Variants in CERS6 observed in about 807,000 individuals in gnomAD.
CERS6 encodes the protein ceramide synthase 6.
Under a neutral mutation model 56.8 loss-of-function variants are expected in CERS6, and 26 were observed. The observed-to-expected ratio is 0.46, with a 90% CI of 0.34 to 0.63. The LOEUF (loss-of-function observed/expected upper bound fraction) is 0.63. CERS6 is among the 30% of genes least tolerant of loss of function. CERS6 has a pLI of 0.01. For missense variants in CERS6, 415 were observed against 467.5 expected (o/e 0.89, Z 1.04); for synonymous variants, 164 against 173.3 (o/e 0.95, Z 0.42).
At chr2:168,603,754 A>G (rs773896151) in intron 3 of CERS6, among the ~76,000 whole-genome samples, 1 of 152,212 alleles carries the variant, frequency 6.6e-6, no homozygotes, top group Non-Finnish European at 1.5e-5. Flanking sequence ...CTATGCTACA[A>G]TTGTTGGCCT....
rs1553506539 is a variant in CERS6, at chr2:168,670,979, C to CCCG, written c.466-20054_466-20053insCGC. 1.2e-3 allele frequency among the ~76,000 whole-genome samples: 99 copies of CCCG among 83,218 alleles called. 7 individuals carry two copies. The highest frequency in any genetic ancestry group is 3.1e-3 in the African/African-American group (94 of 30,152). The allele number at this position is 83,218 out of a possible 152,430, so 54.6% of individuals were successfully genotyped here. ...TGGATACATGCTTCCCCCCCCCCCC[C>CCCG]CAGACGGAAGCTTGCTCTGTTGCCA... On this transcript the variant is annotated intron_variant, in intron 4 of 9. Coordinates refer to ENST00000305747, the MANE Select transcript of CERS6 (RefSeq NM_203463.3).
chr2:168,764,913 G>A (rs1434809137), intron 8 of CERS6, among the ~76,000 whole-genome samples: 1 of 152,200 alleles, frequency 6.6e-6, no homozygotes, highest in South Asian at 2.1e-4. Flanking sequence ...AGCGATATTT[G>A]TGGACCCGTG....
intron 9 of CERS6, among the ~76,000 whole-genome samples, chr2:168,768,465 T>G (rs1323088458): frequency 6.7e-6 from 1 of 150,124 alleles, no homozygotes; most frequent in Non-Finnish European, 1.5e-5. Flanking sequence ...ACTCCTGACC[T>G]CAGGTGATCC....
chr2:168,679,957 A>G lies in CERS6; in HGVS notation c.466-11077A>G, dbSNP rs373792684. 5.9e-5 allele frequency among the ~76,000 whole-genome samples: 9 copies of G among 152,244 alleles called. No individual in the cohort carries two copies. In the East Asian group the frequency reaches 1.5e-3, roughly 26 times the overall value. ...CGTTGATGACTGATTAGGAAAATCA[A>G]TACCAAAGAGCATGAAACCGCAGGG... is the stretch of plus-strand genomic sequence containing the variant. On this transcript the variant is annotated intron_variant, in intron 4 of 9. Transcript: ENST00000305747.
At chr2:168,621,165 C>A (rs145452875) in intron 3 of CERS6, among the ~76,000 whole-genome samples, 1 of 152,128 alleles carries the variant, frequency 6.6e-6, no homozygotes, top group Non-Finnish European at 1.5e-5. Context: ...AAAAAAATTG[C>A]ATAGAGCCTT....
chr2:168,700,971 A>G (rs760227580), intron 6 of CERS6, among the ~76,000 whole-genome samples: 16 of 152,222 alleles, frequency 1.1e-4, no homozygotes, highest in Admixed American at 9.8e-4. Context: ...GGGTGGGGCC[A>G]TATGACTAGT....
chr2:168,727,821 A>G (rs1186611951), intron 8 of CERS6, among the ~76,000 whole-genome samples: 1 of 152,198 alleles, frequency 6.6e-6, no homozygotes, highest in African/African-American at 2.4e-5. Flanking sequence ...GTGCTGGTCT[A>G]TGTTAAATAT....
At chr2:168,527,547 G>A (rs1034233700) in intron 1 of CERS6, among the ~76,000 whole-genome samples, 1 of 152,148 alleles carries the variant, frequency 6.6e-6, no homozygotes, top group Non-Finnish European at 1.5e-5. Context: ...AGTTCTAGAG[G>A]CTGGGAAGTT....
chr2:168,535,596 T>C (rs931140677), intron 1 of CERS6, among the ~76,000 whole-genome samples: 2 of 151,944 alleles, frequency 1.3e-5, no homozygotes, highest in Non-Finnish European at 2.9e-5. Flanking sequence ...TATGGTTCTT[T>C]TTGATTGGAG....
intron 1 of CERS6, among the ~76,000 whole-genome samples, chr2:168,473,942 C>T: frequency 6.6e-6 from 1 of 152,150 alleles, no homozygotes; most frequent in Non-Finnish European, 1.5e-5. Context: ...CCTGTAGTCC[C>T]AGCTACTCAA....
At chr2:168,488,610 C>T (rs751059081) in intron 1 of CERS6, among the ~76,000 whole-genome samples, 2 of 151,714 alleles carry the variant, frequency 1.3e-5, no homozygotes, top group Non-Finnish European at 2.9e-5. Flanking sequence ...CCGTGTATTC[C>T]CTCAGTTATT....
intron 3 of CERS6, among the ~76,000 whole-genome samples, chr2:168,627,913 A>G (rs1684626700): frequency 6.6e-6 from 1 of 151,768 alleles, no homozygotes; most frequent in South Asian, 2.1e-4. Context: ...ACTTAATTTT[A>G]TACTGTATGT....
intron 6 of CERS6, among the ~76,000 whole-genome samples, chr2:168,709,589 C>T (rs1184116490): frequency 6.6e-6 from 1 of 152,080 alleles, no homozygotes; most frequent in East Asian, 1.9e-4. Flanking sequence ...CACGTGTCCA[C>T]GCCAGTCTGT....
chr2:168,669,716 G>A (rs1039147946), intron 4 of CERS6, among the ~76,000 whole-genome samples: 1 of 152,104 alleles, frequency 6.6e-6, no homozygotes, highest in African/African-American at 2.4e-5. Context: ...TGAATTTATA[G>A]CATTTGATCA....
chr2:168,688,112 C>G (rs1033533468), intron 4 of CERS6, among the ~76,000 whole-genome samples: 2 of 152,146 alleles, frequency 1.3e-5, no homozygotes, highest in Admixed American at 6.5e-5. Context: ...GCCATGCAAC[C>G]TCCTAGGTAC....
chr2:168,627,450 C>T (rs1684615312), intron 3 of CERS6, among the ~76,000 whole-genome samples: 2 of 152,108 alleles, frequency 1.3e-5, no homozygotes, highest in African/African-American at 4.8e-5. Flanking sequence ...ATATATTCCT[C>T]TGCAAATGAG....
At chr2:168,604,856 TA>T (rs1684016956) in intron 3 of CERS6, among the ~76,000 whole-genome samples, 1 of 152,172 alleles carries the variant, frequency 6.6e-6, no homozygotes, top group African/African-American at 2.4e-5. Flanking sequence ...CTTTTCTTTA[TA>T]AATTACTCAG....
At chr2:168,540,756 A>ATAT (rs1034183029) in intron 1 of CERS6, among the ~76,000 whole-genome samples, 6 of 152,114 alleles carry the variant, frequency 3.9e-5, no homozygotes, top group Non-Finnish European at 5.9e-5. Context: ...TTTTCCCTGT[A>ATAT]TATAGTGAGC....
intron 4 of CERS6, among the ~76,000 whole-genome samples, chr2:168,643,045 G>A (rs948854460): frequency 1.3e-5 from 2 of 152,196 alleles, no homozygotes; most frequent in Non-Finnish European, 2.9e-5. Context: ...ATCCGAATGG[G>A]CGGAGGTAAT....
Sources: allele counts gnomAD v4.1 joint callset (sites outside exome capture counted in the v4.1 genomes callset), GRCh38; gene constraint gnomAD v4.1.1; transcripts MANE v1.5; gene names NCBI Gene and HGNC (gene_info 2026-07-23, HGNC 2026-07-21).